PXN: variants seen among roughly 807,000 people sequenced by gnomAD.
PXN encodes the protein paxillin.
A neutral mutation model predicts 103.6 loss-of-function variants in PXN; 61 were observed. That is an observed-to-expected ratio of 0.59 (90% CI 0.48 to 0.73). The LOEUF (loss-of-function observed/expected upper bound fraction) is 0.73, where lower values mean the gene tolerates loss of function less well. Ranked by LOEUF, PXN falls within the 30% of genes least tolerant of loss-of-function variation. PXN has a pLI of 0.00. For synonymous variants in PXN, 562 were observed against 607.8 expected, an observed-to-expected ratio of 0.92 and a Z score of 1.11; for missense variants, 1,274 against 1,460.3, an observed-to-expected ratio of 0.87 and a Z score of 2.08.
intron 1 of PXN, among the ~76,000 whole-genome samples, chr12:120,237,523 G>A (rs915511015): frequency 3.3e-5 from 5 of 152,070 alleles, no homozygotes; most frequent in African/African-American, 1.2e-4. Context: ...AAGAATGCCA[G>A]ACACACCCTT....
intron 1 of PXN, among the ~76,000 whole-genome samples, chr12:120,241,351 G>GCCA (rs1890096526): frequency 6.6e-6 from 1 of 152,182 alleles, no homozygotes; most frequent in Non-Finnish European, 1.5e-5. Flanking sequence ...CTCCAGTGAA[G>GCCA]CCACCCCAGT....
At chr12:120,252,063 C>T (rs1454474279) in intron 1 of PXN, among the ~76,000 whole-genome samples, 1 of 152,150 alleles carries the variant, frequency 6.6e-6, no homozygotes, top group East Asian at 1.9e-4. Flanking sequence ...AGCATTGATA[C>T]AGAACCAAGT....
chr12:120,253,121 G>A (rs1331358246), intron 1 of PXN, among the ~76,000 whole-genome samples: 5 of 152,064 alleles, frequency 3.3e-5, no homozygotes, highest in Non-Finnish European at 7.4e-5. Flanking sequence ...ACAAGGGTCT[G>A]CAGACCAAAT....
At position 120,214,004 on chromosome 12, in the gene PXN, G is replaced by T. The variant is rs775289495; in HGVS notation, c.2831-14C>A. On this transcript the variant is annotated splice_polypyrimidine_tract_variant and intron_variant, in intron 13 of 14. Coordinates refer to ENST00000637617, the MANE Select transcript of PXN (RefSeq NM_001385981.1). This position sits in a 1 kb window ranked among gnomAD's most constrained non-coding sequence, Gnocchi z 5.0. ...TCTCGTGGAACCCTGGGGAGCGGGG[G>T]TTTTGGAGGCACAGTTCATTCCGGC... The T allele has an allele frequency of 1.2e-6, 2 of 1,610,446 alleles. No individual in the cohort carries two copies. The highest frequency in any genetic ancestry group is 2.2e-5 in the South Asian group (2 of 90,092).
rs1361953816 is a variant in PXN, at chr12:120,229,825, G to A, written c.14-5448C>T. Among the ~76,000 whole-genome samples, 1 of 152,114 alleles carries A rather than the reference G, an allele frequency of 6.6e-6. No individual in the cohort carries two copies. The highest frequency in any genetic ancestry group is 1.5e-5 in the Non-Finnish European group (1 of 68,012). ...AGATCAGCAGGAAGCAGGTAAATGTGGGGCATGGAGCCAGCTTTTCCATCC... is the reference window on the plus strand; with the variant it reads ...AGATCAGCAGGAAGCAGGTAAATGTAGGGCATGGAGCCAGCTTTTCCATCC... On this transcript the variant is annotated intron_variant, in intron 1 of 14. Coordinates refer to ENST00000637617, the MANE Select transcript of PXN (RefSeq NM_001385981.1). The surrounding 1 kb of genome is among the most constrained non-coding windows in gnomAD (Gnocchi z 4.0).
At chr12:120,232,552 G>C (rs1026508727) in intron 1 of PXN, among the ~76,000 whole-genome samples, 5 of 152,114 alleles carry the variant, frequency 3.3e-5, no homozygotes, top group Admixed American at 6.5e-5. Context: ...ATACAAAAAA[G>C]ACAGCCTCAA....
In PXN at chr12:120,213,825, G is replaced by A; in HGVS notation, c.2979+17C>T. 3 of 1,605,744 alleles carry A rather than the reference G, an allele frequency of 1.9e-6. No homozygotes were observed. Among genetic ancestry groups the A allele is most frequent in the South Asian group, 1.1e-5 (1 of 89,376 alleles). On this transcript the variant is annotated intron_variant, in intron 14 of 14. Transcript: ENST00000637617. This position sits in a 1 kb window ranked among gnomAD's most constrained non-coding sequence, Gnocchi z 4.2. ...GCCTGCTCCTCGCCCCTCCAGATGTGGTCAGGGGCTCCTTACCCGGCACAC... is the reference window on the plus strand; with the variant it reads ...GCCTGCTCCTCGCCCCTCCAGATGTAGTCAGGGGCTCCTTACCCGGCACAC...
intron 1 of PXN, chr12:120,227,163 A>G (rs769211335): frequency 1.2e-5 from 12 of 988,420 alleles, no homozygotes; most frequent in Non-Finnish European, 1.4e-5. Context: ...AAATTGTAGC[A>G]TGTCCCAGCC....
In PXN at chr12:120,219,748, C is replaced by T. The variant is rs1884512988; in HGVS notation, c.1175G>A (p.Ser392Asn). 1 of 1,597,402 alleles carries T rather than the reference C, an allele frequency of 6.3e-7. No homozygotes were observed. Among genetic ancestry groups the T allele is most frequent in the Non-Finnish European group, 8.5e-7 (1 of 1,179,304 alleles). ...GCAGCGGGGAGCCCCAGAGAGCTCA[C>T]TTGTGATGGTCGGCAGGTGCCTCCA... ...RDWRHLPTIT[S>N]ELSGAPRCHT... Residue 392 changes from serine to asparagine, a missense_variant, in exon 7 of 15, where the codon AGT (serine) becomes AAT (asparagine). This residue lies in a region of PXN where 1,178 missense variants were observed against 1,309.0 expected (regional missense o/e 0.90). Transcript: ENST00000637617. This position sits in a 1 kb window ranked among gnomAD's most constrained non-coding sequence, Gnocchi z 6.5.
In PXN at chr12:120,224,682, C is replaced by G. The variant is rs753481524; in HGVS notation, c.14-305G>C. Reference sequence around the variant, plus strand: ...CACCTGGCACTGCGTTCCCTCCTGACAGGGCCGCGCAGCCGCGAGTGAAGT... The same window carrying G: ...CACCTGGCACTGCGTTCCCTCCTGAGAGGGCCGCGCAGCCGCGAGTGAAGT... On this transcript the variant is annotated intron_variant, in intron 1 of 14. Transcript: ENST00000637617. The surrounding 1 kb of genome is among the most constrained non-coding windows in gnomAD (Gnocchi z 5.0). 4.8e-6 allele frequency: 3 copies of G among 618,590 alleles called. No individual in the cohort carries two copies. Among genetic ancestry groups the G allele is most frequent in the South Asian group, 1.5e-5 (1 of 66,044 alleles). The allele number at this position is 618,590 out of a possible 1,614,324, so 38.3% of individuals were successfully genotyped here. A position where few individuals can be genotyped will look rare whatever the true frequency, so the allele number is the denominator to read the frequency against.
chr12:120,220,048 CT>C lies in PXN; in HGVS notation c.874del (p.Ser292AlafsTer53). The C allele has an allele frequency of 6.8e-7, 1 of 1,463,140 alleles. No homozygotes were observed. The highest frequency in any genetic ancestry group is 9.3e-7 in the Non-Finnish European group (1 of 1,078,072). The allele number at this position is 1,463,140 out of a possible 1,614,324, so 90.6% of individuals were successfully genotyped here. A position where few individuals can be genotyped will look rare whatever the true frequency, so the allele number is the denominator to read the frequency against. ...TVALSAPGLS[S>X]SAPSSYCSLP... The stretch of plus-strand genomic sequence containing the variant: ...GGAGCAGTATGAGGACGGAGCAGAG[CT>C]GGACAGCCCCGGGGCACTCAGAGCC... On this transcript the variant is annotated frameshift_variant, in exon 7 of 15. Transcript: ENST00000637617. LOFTEE classifies it high-confidence loss of function. The surrounding 1 kb of genome is among the most constrained non-coding windows in gnomAD (Gnocchi z 6.1).
chr12:120,242,991 A>G (rs1890415476), intron 1 of PXN, among the ~76,000 whole-genome samples: 1 of 152,092 alleles, frequency 6.6e-6, no homozygotes, highest in Non-Finnish European at 1.5e-5. Context: ...TCCAATGAAG[A>G]TGCAAAGCCT....
intron 1 of PXN, among the ~76,000 whole-genome samples, chr12:120,235,550 G>A (rs1442544424): frequency 1.3e-5 from 2 of 151,988 alleles, no homozygotes; most frequent in South Asian, 2.1e-4. Context: ...TCCTCTGCTC[G>A]TCACCACTCT....
chr12:120,241,726 G>A (rs547105823), intron 1 of PXN, among the ~76,000 whole-genome samples: 1 of 152,342 alleles, frequency 6.6e-6, no homozygotes, highest in African/African-American at 2.4e-5. Context: ...GGAGCTCAGA[G>A]TGCAAGTCCC....
chr12:120,223,027 TGA>T (rs1396357308), intron 3 of PXN, 28 bp from the exon 4 acceptor site: 5 of 1,613,592 alleles, frequency 3.1e-6, no homozygotes, highest in African/African-American at 1.3e-5. Context: ...AAGAAGATAG[TGA>T]GAGATGCTTT....
At chr12:120,260,500 G>GAAAAAAAA (rs11433431) in intron 1 of PXN, among the ~76,000 whole-genome samples, 1 of 137,394 alleles carries the variant, frequency 7.3e-6, no homozygotes, top group Admixed American at 7.4e-5. Context: ...TGAAACTCAG[G>GAAAAAAAA]AAAAAAAAAA....
chr12:120,261,264 T>C (rs565096468), intron 1 of PXN, among the ~76,000 whole-genome samples: 3 of 152,126 alleles, frequency 2.0e-5, no homozygotes, highest in Non-Finnish European at 2.9e-5. Flanking sequence ...GATCTCGGCT[T>C]ACTGCAATCT....
Position 120,223,707 on chromosome 12 carries a change from TG to T in PXN, c.356+10del. 1 of 1,556,992 alleles carries T rather than the reference TG, an allele frequency of 6.4e-7. No individual in the cohort carries two copies. ...AGGAGGGAAGGTGCCCTGGGCAGAC[TG>T]GGGCAGTACCTGTAGACGTGCTCCT... On this transcript the variant is annotated intron_variant, in intron 3 of 14. Coordinates refer to ENST00000637617, the MANE Select transcript of PXN (RefSeq NM_001385981.1).
chr12:120,210,609 C>G lies in PXN; in HGVS notation c.*1705G>C, dbSNP rs528432206. The G allele has an allele frequency of 3.1e-4, 48 of 152,440 alleles. 1 individual carries two copies. In the South Asian group the frequency reaches 3.3e-3, roughly 11 times the overall value. 9.4% of individuals were successfully genotyped at this position (152,440 alleles called of 1,614,324 possible). On this transcript the variant is annotated 3_prime_UTR_variant, in exon 15 of 15. Transcript: ENST00000637617. ...AACCCCAGTCCCTCTTGGGGAAGAT[C>G]TAGGGTGGGTCACTATAAACAGAGC...
Sources: gnomAD v4.1 joint callset for allele counts (sites outside exome capture counted in the v4.1 genomes callset) on GRCh38, gnomAD v4.1.1 for gene constraint, gnomAD v4.1.1 regional missense constraint, Gnocchi (gnomAD v3.1) non-coding constraint, MANE v1.5 for transcripts, NCBI Gene and HGNC (gene_info 2026-07-23, HGNC 2026-07-21) for gene names.